GALM: variants seen among roughly 807,000 people sequenced by gnomAD.
GALM encodes aldose 1-epimerase.
Under a neutral mutation model 37.4 loss-of-function variants are expected in GALM, and 43 were observed. The observed-to-expected ratio is 1.15, with a 90% CI of 0.90 to 1.48. The LOEUF is 1.48. Among genes scored for constraint, GALM ranks in the 40% most tolerant of loss-of-function variants. The pLI is 0.00. For synonymous variants in GALM, 199 were observed against 170.6 expected, an observed-to-expected ratio of 1.17 and a Z score of -1.30; for missense variants, 456 against 419.1, an observed-to-expected ratio of 1.09 and a Z score of -0.77.
intron 4 of GALM, among the ~76,000 whole-genome samples, chr2:38,703,256 C>T (rs1420041702): frequency 2.7e-5 from 4 of 149,366 alleles, no homozygotes; most frequent in African/African-American, 7.4e-5. Flanking sequence ...TACAGGTATG[C>T]ACCACCATGC....
intron 2 of GALM, 81 bp from the exon 3 acceptor site, chr2:38,681,199 T>A: frequency 9.2e-7 from 1 of 1,082,194 alleles, no homozygotes; most frequent in South Asian, 1.3e-5. Context: ...CCTTGTGAAA[T>A]CAGTTGTCTT....
chr2:38,733,756 A>G lies in GALM; in HGVS notation c.*191A>G. ...GACTGGCTCCAGGCCATGTCTAATGACCAGCTCGATTCCCTGTGCAGTTCA... is the reference window on the plus strand; with the variant it reads ...GACTGGCTCCAGGCCATGTCTAATGGCCAGCTCGATTCCCTGTGCAGTTCA... On this transcript the variant is annotated 3_prime_UTR_variant, in exon 7 of 7. Coordinates refer to ENST00000272252, the MANE Select transcript of GALM (RefSeq NM_138801.3). The G allele has an allele frequency of 3.4e-6, 2 of 586,964 alleles. No homozygotes were observed. Among genetic ancestry groups the G allele is most frequent in the Non-Finnish European group, 6.3e-6 (2 of 319,814 alleles). 36.4% of individuals were successfully genotyped at this position (586,964 alleles called of 1,614,324 possible).
At chr2:38,678,830 G>C (rs1665323641) in intron 2 of GALM, among the ~76,000 whole-genome samples, 1 of 152,170 alleles carries the variant, frequency 6.6e-6, no homozygotes, top group Non-Finnish European at 1.5e-5. Flanking sequence ...GCCCACAGAG[G>C]CTATTATCTT....
chr2:38,715,865 T>G (rs1666260702), intron 4 of GALM, among the ~76,000 whole-genome samples: 1 of 152,198 alleles, frequency 6.6e-6, no homozygotes, highest in Admixed American at 6.6e-5. Context: ...CTTATTTCAT[T>G]TAGTGTTCGC....
chr2:38,680,060 A>T, intron 2 of GALM: 1 of 455,430 alleles, frequency 2.2e-6, no homozygotes, highest in South Asian at 1.6e-5. Context: ...TGTCACCCAG[A>T]TTGGAGTGCA....
intron 4 of GALM, among the ~76,000 whole-genome samples, chr2:38,710,609 T>C (rs949432933): frequency 4.6e-5 from 7 of 152,170 alleles, no homozygotes; most frequent in African/African-American, 1.7e-4. Context: ...CTCACTATGT[T>C]GCCCAGGCTG....
rs1381591302 is a variant in GALM, at chr2:38,734,333, G to C, written c.*768G>C. ...TTGAACCTGGGAGGTGGAGGTTGCA[G>C]TGAGCCGAGATCATGCCACTGCACT... is the stretch of plus-strand genomic sequence containing the variant. On this transcript the variant is annotated 3_prime_UTR_variant, in exon 7 of 7. Coordinates refer to ENST00000272252, the MANE Select transcript of GALM (RefSeq NM_138801.3). 1 of 140,782 alleles carries C rather than the reference G, an allele frequency of 7.1e-6. No homozygotes were observed. The highest frequency in any genetic ancestry group is 2.3e-4 in the East Asian group (1 of 4,396). 8.7% of individuals were successfully genotyped at this position (140,782 alleles called of 1,614,324 possible). A position where few individuals can be genotyped will look rare whatever the true frequency, so the allele number is the denominator to read the frequency against.
rs757226759 is a variant in GALM at position 38,729,741 on chromosome 2, A to G, written c.776+44A>G. On this transcript the variant is annotated intron_variant, in intron 5 of 6. Coordinates refer to ENST00000272252, the MANE Select transcript of GALM (RefSeq NM_138801.3). ...CCTGAGTCTGTAAGGAAGAAATGAC[A>G]CCAAGTCCTATTTTCCTTTGGAGCT... 4.6e-6 allele frequency: 7 copies of G among 1,534,124 alleles called. No individual in the cohort carries two copies. The Admixed American group carries it at 1.2e-4, about 26-fold the overall frequency.
intron 3 of GALM, 48 bp from the exon 4 acceptor site, chr2:38,689,765 A>G: frequency 9.1e-7 from 1 of 1,099,960 alleles, no homozygotes; most frequent in South Asian, 1.4e-5. Context: ...AAACAAATAT[A>G]TGAAATAAGA....
At chr2:38,713,876 G>A (rs1666217749) in intron 4 of GALM, among the ~76,000 whole-genome samples, 2 of 147,654 alleles carry the variant, frequency 1.4e-5, no homozygotes, top group African/African-American at 5.0e-5. Flanking sequence ...CAGCACTCTA[G>A]CCTGGGCAAC....
intron 4 of GALM, among the ~76,000 whole-genome samples, chr2:38,716,875 A>G (rs1360467469): frequency 6.6e-6 from 1 of 152,206 alleles, no homozygotes; most frequent in Admixed American, 6.5e-5. Context: ...CAAACAAACA[A>G]AAAACAGAAA....
intron 6 of GALM, among the ~76,000 whole-genome samples, chr2:38,732,961 C>G (rs1479121652): frequency 1.3e-5 from 2 of 150,834 alleles, no homozygotes; most frequent in African/African-American, 2.4e-5. Flanking sequence ...TGGCTCACAC[C>G]TGTAATCCCA....
At chr2:38,674,714 T>A (rs2148425750) in intron 1 of GALM, among the ~76,000 whole-genome samples, 1 of 152,310 alleles carries the variant, frequency 6.6e-6, no homozygotes, top group Middle Eastern at 3.4e-3. Flanking sequence ...ATAAGATCGC[T>A]TCCCCTCAAG....
At chr2:38,730,123 C>G (rs952408532) in intron 5 of GALM, among the ~76,000 whole-genome samples, 1 of 152,242 alleles carries the variant, frequency 6.6e-6, no homozygotes, top group African/African-American at 2.4e-5. Flanking sequence ...GACCGATAGA[C>G]ACTTGTGTGC....
At chr2:38,708,774 C>T (rs147548999) in intron 4 of GALM, among the ~76,000 whole-genome samples, 6 of 150,070 alleles carry the variant, frequency 4.0e-5, no homozygotes, top group African/African-American at 1.5e-4. Flanking sequence ...CAAGCTGTGA[C>T]AAAGAGAAGG....
chr2:38,680,990 G>A (rs113833882), intron 2 of GALM, among the ~76,000 whole-genome samples: 22 of 152,160 alleles, frequency 1.4e-4, no homozygotes, highest in African/African-American at 5.3e-4. Context: ...GCAAAAATTA[G>A]CCAGGTACAG....
chr2:38,724,462 T>A (rs775807915), intron 4 of GALM, among the ~76,000 whole-genome samples: 2 of 152,168 alleles, frequency 1.3e-5, no homozygotes, highest in African/African-American at 2.4e-5. Context: ...GTGGTGGGCA[T>A]AGGGGACCCA....
At chr2:38,668,535 C>CA (rs1352460030) in intron 1 of GALM, 3 of 152,230 alleles carry the variant, frequency 2.0e-5, no homozygotes, top group Admixed American at 2.0e-4. Flanking sequence ...CCTGGGTGCC[C>CA]AGGGTGCAGA....
chr2:38,705,558 T>A (rs932023448), intron 4 of GALM, among the ~76,000 whole-genome samples: 1 of 152,132 alleles, frequency 6.6e-6, no homozygotes, highest in African/African-American at 2.4e-5. Context: ...CCTCTCAGTG[T>A]CTGTGAGGAT....
Sources: allele counts gnomAD v4.1 joint callset (sites outside exome capture counted in the v4.1 genomes callset), GRCh38; gene constraint gnomAD v4.1.1; transcripts MANE v1.5; gene names NCBI Gene and HGNC (gene_info 2026-07-23, HGNC 2026-07-21).